Variants in PCCA observed in about 807,000 individuals in gnomAD.
PCCA encodes propionyl-CoA carboxylase alpha chain, mitochondrial.
A neutral mutation model predicts 101.3 loss-of-function variants in PCCA; 74 were observed. The ratio of observed to expected loss-of-function variants is 0.73; its 90% CI spans 0.61 to 0.89. The LOEUF (loss-of-function observed/expected upper bound fraction) is 0.89, where lower values mean the gene tolerates loss of function less well. PCCA is among the 40% of genes least tolerant of loss of function. The pLI, the probability that PCCA is intolerant of heterozygous loss-of-function variation, is 0.00. For synonymous variants in PCCA, 294 were observed against 313.6 expected, an observed-to-expected ratio of 0.94 and a Z score of 0.66; for missense variants, 891 against 907.0, an observed-to-expected ratio of 0.98 and a Z score of 0.23.
intron 5 of PCCA, among the ~76,000 whole-genome samples, chr13:100,156,400 G>C (rs1272126586): frequency 6.6e-6 from 1 of 152,182 alleles, no homozygotes; most frequent in Admixed American, 6.5e-5. Context: ...CTGATACGTA[G>C]CTATTTCTGG....
chr13:100,097,658 G>T (rs2046893731), intron 1 of PCCA, among the ~76,000 whole-genome samples: 1 of 152,198 alleles, frequency 6.6e-6, no homozygotes, highest in Non-Finnish European at 1.5e-5. Flanking sequence ...GGCAGAGGTT[G>T]CAGTGAGCCA....
At position 100,462,593 on chromosome 13, in the gene PCCA, G is replaced by A. The variant is rs142426974; in HGVS notation, c.1899+13288G>A. Among the ~76,000 whole-genome samples, 330 of 152,308 alleles carry A rather than the reference G, an allele frequency of 2.2e-3. 2 individuals carry two copies. The highest frequency in any genetic ancestry group is 7.3e-3 in the African/African-American group (302 of 41,556). ...TGATAAACAGTACAGTCCATAGGGC[G>A]TAGGTCTCTGGTTAAGAATTTGCAT... On this transcript the variant is annotated intron_variant, in intron 21 of 23. Coordinates refer to ENST00000376285, the MANE Select transcript of PCCA (RefSeq NM_000282.4).
intron 18 of PCCA, among the ~76,000 whole-genome samples, chr13:100,362,064 G>A (rs1248587898): frequency 6.6e-6 from 1 of 151,788 alleles, no homozygotes; most frequent in Non-Finnish European, 1.5e-5. Flanking sequence ...TTCTCAGCAA[G>A]AAAAAAAGGA....
At position 100,189,512 on chromosome 13, in the gene PCCA, T is replaced by C. The variant is rs541151113; in HGVS notation, c.469-19820T>C. The stretch of plus-strand genomic sequence containing the variant: ...CTGGATATTAGTCGTTTGTTGGATG[T>C]TTAGATTGCGAAGGTTTTCTCCCAC... On this transcript the variant is annotated intron_variant, in intron 6 of 23. Coordinates refer to ENST00000376285, the MANE Select transcript of PCCA (RefSeq NM_000282.4). Among the ~76,000 whole-genome samples, 3 of 152,342 alleles carry C rather than the reference T, an allele frequency of 2.0e-5. No homozygotes were observed. The South Asian group carries it at 6.2e-4, about 32-fold the overall frequency.
intron 4 of PCCA, chr13:100,154,557 C>T (rs1408203344): frequency 7.4e-6 from 2 of 271,990 alleles, no homozygotes; most frequent in African/African-American, 2.2e-5. Context: ...TCCCTCCATT[C>T]AGTCCCTCTA....
chr13:100,155,128 C>T, intron 5 of PCCA, 36 bp downstream of exon 5: 1 of 1,269,676 alleles, frequency 7.9e-7, no homozygotes, highest in South Asian at 1.2e-5. Flanking sequence ...GCAGCTGTTT[C>T]ATATGTAGTG....
chr13:100,329,994 A>G (rs543255536), intron 16 of PCCA, among the ~76,000 whole-genome samples: 12 of 152,294 alleles, frequency 7.9e-5, no homozygotes, highest in African/African-American at 2.6e-4. Flanking sequence ...CACATAACCA[A>G]TGCTTAAAAT....
intron 19 of PCCA, among the ~76,000 whole-genome samples, chr13:100,378,462 T>TACAA (rs2076049218): frequency 6.6e-6 from 1 of 152,374 alleles, no homozygotes; most frequent in African/African-American, 2.4e-5. Flanking sequence ...TGTATCTGGA[T>TACAA]GTCTGTATCT....
chr13:100,424,041 A>G (rs774259239), intron 19 of PCCA, among the ~76,000 whole-genome samples: 2 of 152,158 alleles, frequency 1.3e-5, no homozygotes, highest in Non-Finnish European at 2.9e-5. Flanking sequence ...CCAACTGCAG[A>G]TATTTGGGGG....
At chr13:100,186,333 A>C (rs565527733) in intron 6 of PCCA, among the ~76,000 whole-genome samples, 1 of 152,358 alleles carries the variant, frequency 6.6e-6, no homozygotes, top group African/African-American at 2.4e-5. Flanking sequence ...TGTGTTGTCC[A>C]TAAGCACACA....
At position 100,418,792 on chromosome 13, in the gene PCCA, C is replaced by T. The variant is rs573698406; in HGVS notation, c.1747-6841C>T. On this transcript the variant is annotated intron_variant, in intron 19 of 23. Transcript: ENST00000376285. ...GAGGTTGTAGTGAGCCAAGATCATG[C>T]CATCGTACTTCAGCCTGGGCAAGAG... Among the ~76,000 whole-genome samples, 3 of 151,080 alleles carry T rather than the reference C, an allele frequency of 2.0e-5. No homozygotes were observed. In the South Asian group the frequency reaches 6.3e-4, roughly 32 times the overall value.
intron 9 of PCCA, among the ~76,000 whole-genome samples, chr13:100,260,405 T>G (rs920134219): frequency 0.045 from 4,564 of 100,566 alleles, 91 homozygotes; most frequent in South Asian, 0.051. Flanking sequence ...GTGTTTTTTT[T>G]TTTTTTTTTG....
At chr13:100,432,047 A>AT (rs1403862843) in intron 20 of PCCA, among the ~76,000 whole-genome samples, 3 of 151,754 alleles carry the variant, frequency 2.0e-5, no homozygotes, top group Admixed American at 2.0e-4. Flanking sequence ...AAAATACAAA[A>AT]TATTAACCGG....
chr13:100,272,876 G>A (rs182710744), intron 11 of PCCA, among the ~76,000 whole-genome samples: 117 of 152,234 alleles, frequency 7.7e-4, no homozygotes, highest in Admixed American at 2.8e-3. Flanking sequence ...TTTTTGGCTC[G>A]AAGCAATTCT....
rs553513439 is a variant in PCCA, at chr13:100,302,496, G to A, written c.1210-428G>A. Among the ~76,000 whole-genome samples the A allele has an allele frequency of 1.5e-4, 22 of 151,548 alleles. 2 individuals carry two copies. The South Asian group carries it at 4.4e-3, about 30-fold the overall frequency. On this transcript the variant is annotated intron_variant, in intron 13 of 23. Coordinates refer to ENST00000376285, the MANE Select transcript of PCCA (RefSeq NM_000282.4). ...TAGCGTGCAAAGTTTTTTTTTTCAG[G>A]TCTTTATTTGAAGAACCCAAATTCT... is the stretch of plus-strand genomic sequence containing the variant.
intron 4 of PCCA, among the ~76,000 whole-genome samples, chr13:100,151,274 A>T (rs1215928764): frequency 6.6e-6 from 1 of 152,206 alleles, no homozygotes; most frequent in African/African-American, 2.4e-5. Context: ...TTTTCTCTGA[A>T]GAATAAAATA....
rs565616036 is a variant in PCCA, at chr13:100,309,810, G to A, written c.1354-23G>A. On this transcript the variant is annotated intron_variant, in intron 15 of 23. Transcript: ENST00000376285. ...AGTTCTAAATATATATATATATTGG[G>A]TTTTTTGTTTGCTTGTTTTTAGCTA... 4 of 1,535,012 alleles carry A rather than the reference G, an allele frequency of 2.6e-6. No homozygotes were observed. The African/African-American group carries it at 5.5e-5, about 21-fold the overall frequency.
chr13:100,277,594 C>A (rs1040254961), intron 12 of PCCA, among the ~76,000 whole-genome samples: 2 of 152,168 alleles, frequency 1.3e-5, no homozygotes, highest in African/African-American at 4.8e-5. Flanking sequence ...CAACACCCCC[C>A]AAAAGCAGTG....
intron 6 of PCCA, among the ~76,000 whole-genome samples, chr13:100,194,786 C>T (rs865808099): frequency 1.3e-5 from 2 of 152,064 alleles, no homozygotes; most frequent in Admixed American, 1.3e-4. Context: ...ACCAGTTTAC[C>T]AGCTTTCTGT....
Sources: gnomAD v4.1 joint callset for allele counts (sites outside exome capture counted in the v4.1 genomes callset) on GRCh38, gnomAD v4.1.1 for gene constraint, MANE v1.5 for transcripts, NCBI Gene and HGNC (gene_info 2026-07-23, HGNC 2026-07-21) for gene names.